SS18: variants seen among roughly 807,000 people sequenced by gnomAD.
The protein encoded by SS18 is SS18 subunit of BAF chromatin remodeling complex.
In SS18, 28 loss-of-function variants were observed where a neutral mutation model predicts 72.5. The observed-to-expected ratio is 0.39, with a 90% CI of 0.29 to 0.53. The LOEUF (loss-of-function observed/expected upper bound fraction) is 0.53, where lower values mean the gene tolerates loss of function less well. Ranked by LOEUF, SS18 falls within the 20% of genes least tolerant of loss-of-function variation. SS18 has a pLI of 0.76. For synonymous variants in SS18, 172 were observed against 164.2 expected (o/e 1.05, Z -0.37); for missense variants, 518 against 535.3 (o/e 0.97, Z 0.32).
chr18:26,034,212 G>A (rs2053590146), intron 9 of SS18, among the ~76,000 whole-genome samples: 1 of 152,104 alleles, frequency 6.6e-6, no homozygotes, highest in Admixed American at 6.6e-5. Context: ...CAATGGCAGA[G>A]CTTAAGTCAA....
intron 5 of SS18, among the ~76,000 whole-genome samples, chr18:26,047,131 C>T (rs1267528984): frequency 6.6e-6 from 1 of 151,964 alleles, no homozygotes; most frequent in African/African-American, 2.4e-5. Context: ...TAGTACCTTA[C>T]CTACTACCTC....
chr18:26,060,070 A>G (rs1332068657), intron 3 of SS18, among the ~76,000 whole-genome samples: 1 of 152,214 alleles, frequency 6.6e-6, no homozygotes, highest in Non-Finnish European at 1.5e-5. Flanking sequence ...AATTGAAAAC[A>G]CACATTCACG....
chr18:26,039,109 A>C (rs2053675622), intron 6 of SS18, among the ~76,000 whole-genome samples, 180 bp downstream of exon 6: 1 of 150,614 alleles, frequency 6.6e-6, no homozygotes, highest in African/African-American at 2.4e-5. Flanking sequence ...AAAATAACAG[A>C]TAAGAAGTTC....
chr18:26,039,227 G>A, intron 6 of SS18, 62 bp downstream of exon 6: 1 of 995,340 alleles, frequency 1.0e-6, no homozygotes, highest in East Asian at 2.9e-5. Context: ...AGATTAAAAG[G>A]TCATTAAAAT....
At chr18:26,085,737 T>C (rs886771929) in intron 2 of SS18, among the ~76,000 whole-genome samples, 10 of 152,208 alleles carry the variant, frequency 6.6e-5, no homozygotes, top group Non-Finnish European at 1.2e-4. Context: ...TTATACTTTA[T>C]AATTTTTTTT....
At chr18:26,039,197 A>AT in intron 6 of SS18, 92 bp downstream of exon 6, 1 of 967,958 alleles carries the variant, frequency 1.0e-6, no homozygotes, top group Non-Finnish European at 1.4e-6. Context: ...AAAAAAAAAG[A>AT]AAACGCCCTG....
chr18:26,039,495 A>ATATAAC (rs773739467), intron 5 of SS18, 39 bp from the exon 6 acceptor site: 17 of 1,530,106 alleles, frequency 1.1e-5, no homozygotes, highest in Non-Finnish European at 8.9e-7. Context: ...AATTTTTTGT[A>ATATAAC]TATAACTTTA....
chr18:26,060,793 A>AAAAAAAAAAAAAAAAAAC (rs2054107629), intron 3 of SS18, among the ~76,000 whole-genome samples: 1 of 129,072 alleles, frequency 7.7e-6, no homozygotes. Flanking sequence ...AAAAAAAAAA[A>AAAAAAAAAAAAAAAAAAC]AAAAAAAAAA....
intron 3 of SS18, among the ~76,000 whole-genome samples, chr18:26,071,060 A>G (rs566798223): frequency 3.3e-4 from 51 of 152,300 alleles, no homozygotes; most frequent in African/African-American, 1.2e-3. Flanking sequence ...AGAAAAAAAT[A>G]TACTTAGAAT....
intron 10 of SS18, among the ~76,000 whole-genome samples, chr18:26,029,390 A>T (rs1446007274): frequency 6.6e-6 from 1 of 152,198 alleles, no homozygotes; most frequent in African/African-American, 2.4e-5. Context: ...CTTGTAGAGG[A>T]GGCACGATAA....
rs561469456 is a variant in SS18 at position 26,025,932 on chromosome 18, G to A, written c.1230+6467C>T. Among the ~76,000 whole-genome samples the A allele has an allele frequency of 1.6e-3, 250 of 151,736 alleles. 11 individuals carry two copies. In the South Asian group the frequency reaches 0.051, roughly 31 times the overall value. ...GTTCCTTGACTTGCCATGGGGTTATGTCCCAATTAACCCACTGTAAGCTGA... is the reference window on the plus strand; with the variant it reads ...GTTCCTTGACTTGCCATGGGGTTATATCCCAATTAACCCACTGTAAGCTGA... On this transcript the variant is annotated intron_variant, in intron 10 of 10. Coordinates refer to ENST00000415083, the MANE Select transcript of SS18 (RefSeq NM_001007559.3).
At chr18:26,066,880 T>C (rs1417671950) in intron 3 of SS18, among the ~76,000 whole-genome samples, 3 of 152,192 alleles carry the variant, frequency 2.0e-5, no homozygotes, top group African/African-American at 7.2e-5. Flanking sequence ...CCATAATCCT[T>C]AACGGCAGAA....
At chr18:26,089,442 A>C (rs2054674930) in intron 1 of SS18, among the ~76,000 whole-genome samples, 1 of 152,260 alleles carries the variant, frequency 6.6e-6, no homozygotes, top group Non-Finnish European at 1.5e-5. Flanking sequence ...ACTACGAAGA[A>C]CCTGACAGTA....
chr18:26,090,273 G>C, intron 1 of SS18: 1 of 560,232 alleles, frequency 1.8e-6, no homozygotes, highest in South Asian at 2.2e-5. Flanking sequence ...GGGCTTTTGT[G>C]TCTGTAGAAA....
intron 1 of SS18, chr18:26,090,162 C>T (rs747781780): frequency 3.3e-6 from 1 of 300,726 alleles, no homozygotes; most frequent in Non-Finnish European, 6.1e-6. Context: ...GCGGGGCCGC[C>T]GGTCCGACAC....
intron 5 of SS18, among the ~76,000 whole-genome samples, chr18:26,039,740 T>C (rs952945131): frequency 2.0e-5 from 3 of 152,190 alleles, no homozygotes; most frequent in Admixed American, 6.6e-5. Flanking sequence ...ATGAACATCC[T>C]GAATGTGTGT....
intron 2 of SS18, among the ~76,000 whole-genome samples, chr18:26,080,687 GAA>G (rs2054501633): frequency 1.3e-5 from 2 of 152,130 alleles, no homozygotes; most frequent in Non-Finnish European, 2.9e-5. Flanking sequence ...TAAACTTACA[GAA>G]AAGTTTCAAT....
intron 10 of SS18, among the ~76,000 whole-genome samples, chr18:26,031,716 T>C (rs1255377804): frequency 6.6e-6 from 1 of 152,086 alleles, no homozygotes; most frequent in Non-Finnish European, 1.5e-5. Flanking sequence ...CTTCTACATA[T>C]CTGAAAGAAG....
chr18:26,059,594 C>T (rs185753578), intron 3 of SS18, among the ~76,000 whole-genome samples: 1 of 152,186 alleles, frequency 6.6e-6, no homozygotes, highest in Non-Finnish European at 1.5e-5. Flanking sequence ...ATAACTCCAA[C>T]TCTCTGTTGA....
Sources: gnomAD v4.1 joint callset for allele counts (sites outside exome capture counted in the v4.1 genomes callset) on GRCh38, gnomAD v4.1.1 for gene constraint, MANE v1.5 for transcripts, NCBI Gene and HGNC (gene_info 2026-07-23, HGNC 2026-07-21) for gene names.